XYLT1: variants seen among roughly 807,000 people sequenced by gnomAD.
XYLT1 encodes xylosyltransferase 1.
XYLT1 carries 36 observed loss-of-function variants against 91.3 expected under a neutral mutation model. The observed-to-expected ratio is 0.39, with a 90% CI of 0.30 to 0.52. The LOEUF (loss-of-function observed/expected upper bound fraction) is 0.52. XYLT1 is among the 20% of genes least tolerant of loss of function. The probability of loss-of-function intolerance (pLI) is 0.68; values close to 1 mark genes in which losing one functional copy is unlikely to be tolerated. For synonymous variants in XYLT1, 588 were observed against 532.0 expected (o/e 1.11, Z -1.45); for missense variants, 1,242 against 1,284.5 (o/e 0.97, Z 0.51).
intron 1 of XYLT1, among the ~76,000 whole-genome samples, chr16:17,384,552 A>C (rs1234386934): frequency 2.6e-5 from 4 of 151,884 alleles, no homozygotes; most frequent in African/African-American, 7.2e-5. Context: ...GAAAAATTAG[A>C]TTTGGCCTCA....
intron 4 of XYLT1, 116 bp from the exon 5 acceptor site, chr16:17,198,530 A>G (rs1289375665): frequency 1.0e-6 from 1 of 1,000,624 alleles, no homozygotes; most frequent in Non-Finnish European, 1.5e-6. Flanking sequence ...TTCTGAGCAC[A>G]GTGGCCTTTG....
At chr16:17,384,577 T>C (rs1221290794) in intron 1 of XYLT1, among the ~76,000 whole-genome samples, 2 of 151,894 alleles carry the variant, frequency 1.3e-5, no homozygotes, top group African/African-American at 4.8e-5. Flanking sequence ...GTTCATACTT[T>C]GAATTGACTG....
At chr16:17,422,063 A>G (rs2036257507) in intron 1 of XYLT1, among the ~76,000 whole-genome samples, 1 of 150,724 alleles carries the variant, frequency 6.6e-6, no homozygotes, top group African/African-American at 2.4e-5. Flanking sequence ...ACTCACCGGA[A>G]GCTCTGCCTC....
chr16:17,351,951 C>T (rs147025411), intron 2 of XYLT1, among the ~76,000 whole-genome samples: 3 of 152,026 alleles, frequency 2.0e-5, no homozygotes, highest in Non-Finnish European at 4.4e-5. Flanking sequence ...CAAGACCAGT[C>T]GGGGCAACAT....
In XYLT1 at chr16:17,117,699, G is replaced by A. The variant is rs372741635; in HGVS notation, c.2504C>T (p.Thr835Ile). The A allele has an allele frequency of 2.9e-5, 47 of 1,614,036 alleles. No individual in the cohort carries two copies. Among genetic ancestry groups the A allele is most frequent in the Non-Finnish European group, 3.7e-5 (44 of 1,180,024 alleles). ...ILHHWVPVAE[T>I]KFLVAPLTFS... ...GGTCAGAGGCGCAACGAGGAATTTG[G>A]TCTCTGCAACTGGCACCCAGTGGTG... Residue 835 changes from threonine to isoleucine, a missense_variant, in exon 11 of 12, where the codon ACC (threonine) becomes ATC (isoleucine). Physicochemically the swap from Thr to Ile is moderately conservative, Grantham distance 89. This residue lies in a region of XYLT1 where 511 missense variants were observed against 497.0 expected (regional missense o/e 1.03). Transcript: ENST00000261381.
intron 5 of XYLT1, among the ~76,000 whole-genome samples, chr16:17,174,734 G>A (rs1046606692): frequency 5.9e-5 from 9 of 152,056 alleles, no homozygotes; most frequent in Admixed American, 1.3e-4. Flanking sequence ...TGTATTAAGC[G>A]CCACTAATTT....
At chr16:17,443,240 T>C (rs996902581) in intron 1 of XYLT1, among the ~76,000 whole-genome samples, 4 of 152,342 alleles carry the variant, frequency 2.6e-5, no homozygotes, top group African/African-American at 7.2e-5. Context: ...CATCATTTTA[T>C]AGTATGTATA....
At chr16:17,255,315 T>G (rs1326219480) in intron 3 of XYLT1, among the ~76,000 whole-genome samples, 2 of 152,104 alleles carry the variant, frequency 1.3e-5, no homozygotes, top group East Asian at 3.9e-4. Context: ...TTTTTATAAG[T>G]TAGGTTTAAT....
At chr16:17,348,093 C>T (rs1567386154) in intron 2 of XYLT1, among the ~76,000 whole-genome samples, 1 of 152,098 alleles carries the variant, frequency 6.6e-6, no homozygotes, top group Non-Finnish European at 1.5e-5. Flanking sequence ...TGAAACCCAT[C>T]AAGGTTAGCC....
intron 11 of XYLT1, among the ~76,000 whole-genome samples, chr16:17,115,282 C>A (rs1966849480): frequency 9.1e-6 from 1 of 110,394 alleles, no homozygotes; most frequent in Non-Finnish European, 1.7e-5. Flanking sequence ...CCAGCCAGGA[C>A]AACACAGACC....
chr16:17,256,696 A>G (rs1046877934), intron 3 of XYLT1, among the ~76,000 whole-genome samples: 4 of 151,560 alleles, frequency 2.6e-5, no homozygotes, highest in African/African-American at 9.7e-5. Flanking sequence ...TTCTCTTAAG[A>G]GGTCTTTTTA....
intron 1 of XYLT1, among the ~76,000 whole-genome samples, chr16:17,359,090 AG>A (rs1325500151): frequency 6.6e-6 from 1 of 152,172 alleles, no homozygotes; most frequent in Admixed American, 6.5e-5. Flanking sequence ...TGGTTTCCAA[AG>A]AAAACAGGAA....
At chr16:17,128,343 A>C (rs1248812123) in intron 9 of XYLT1, among the ~76,000 whole-genome samples, 1 of 152,250 alleles carries the variant, frequency 6.6e-6, no homozygotes, top group Non-Finnish European at 1.5e-5. Flanking sequence ...CACATCTTTG[A>C]AAAGTCTCTG....
intron 2 of XYLT1, among the ~76,000 whole-genome samples, chr16:17,282,582 C>T (rs972036647): frequency 7.2e-5 from 11 of 152,162 alleles, no homozygotes; most frequent in African/African-American, 9.7e-5. Flanking sequence ...GGAAGGGCAC[C>T]GGCATTTCTG....
chr16:17,320,863 T>C (rs1255789342), intron 2 of XYLT1, among the ~76,000 whole-genome samples: 1 of 149,226 alleles, frequency 6.7e-6, no homozygotes, highest in African/African-American at 2.5e-5. Flanking sequence ...TCCTGACTCA[T>C]AGAATTGTTT....
intron 2 of XYLT1, among the ~76,000 whole-genome samples, chr16:17,268,958 C>G (rs545097701): frequency 6.6e-6 from 1 of 152,140 alleles, no homozygotes; most frequent in Non-Finnish European, 1.5e-5. Context: ...CAGGCGTGAG[C>G]CACTGCGCCC....
At chr16:17,233,695 GGAA>G (rs2033202126) in intron 3 of XYLT1, among the ~76,000 whole-genome samples, 1 of 152,184 alleles carries the variant, frequency 6.6e-6, no homozygotes, top group Non-Finnish European at 1.5e-5. Flanking sequence ...AATAATAATT[GGAA>G]GAGTGAGCAA....
intron 2 of XYLT1, among the ~76,000 whole-genome samples, chr16:17,260,090 G>C (rs955398705): frequency 2.0e-5 from 3 of 148,988 alleles, no homozygotes; most frequent in Non-Finnish European, 4.4e-5. Context: ...TTTACACTAA[G>C]TCCTGGAGCA....
intron 2 of XYLT1, among the ~76,000 whole-genome samples, chr16:17,339,623 G>C (rs2035037230): frequency 6.6e-6 from 1 of 152,070 alleles, no homozygotes. Context: ...ATTCAGAGAA[G>C]GGGAGCATAA....
Sources: gnomAD v4.1 joint callset for allele counts (sites outside exome capture counted in the v4.1 genomes callset) on GRCh38, gnomAD v4.1.1 for gene constraint, gnomAD v4.1.1 regional missense constraint, MANE v1.5 for transcripts, NCBI Gene and HGNC (gene_info 2026-07-23, HGNC 2026-07-21) for gene names.